The following ZNF423 variants were observed in gnomAD, a reference collection of about 807,000 sequenced individuals.
ZNF423 encodes zinc finger protein 423.
In ZNF423, 12 loss-of-function variants were observed where a neutral mutation model predicts 95.8. That is an observed-to-expected ratio of 0.13 (90% CI 0.08 to 0.20). ZNF423 has a LOEUF of 0.20. ZNF423 is among the 10% of genes least tolerant of loss of function. ZNF423 has a pLI of 1.00. For missense variants in ZNF423, 1,316 were observed against 1,737.1 expected (o/e 0.76, Z 4.31); for synonymous variants, 749 against 711.9 (o/e 1.05, Z -0.83).
In ZNF423 at chr16:49,635,792, G is replaced by A; in HGVS notation, c.3384C>T (p.Leu1128=). 1 of 1,612,444 alleles carries A rather than the reference G, an allele frequency of 6.2e-7. No individual in the cohort carries two copies. The highest frequency in any genetic ancestry group is 8.5e-7 in the Non-Finnish European group (1 of 1,179,738). The change falls in exon 4 of 8, where the codon CTC becomes CTT. Residue 1128 remains leucine, a synonymous_variant. Transcript: ENST00000563137. This position sits in a 1 kb window ranked among gnomAD's most constrained non-coding sequence, Gnocchi z 4.8. ...PEPADRPCAG[L]RCPECSVKFE... ...ACTTGACACTGCACTCGGGGCAACGGAGGCCGGCACAGGGCCGGTCGGCGG... is the reference window on the plus strand; with the variant it reads ...ACTTGACACTGCACTCGGGGCAACGAAGGCCGGCACAGGGCCGGTCGGCGG...
In ZNF423 at chr16:49,654,855, A is replaced by G. The variant is rs552581273; in HGVS notation, c.302-15981T>C. Reference sequence around the variant, plus strand: ...GGCAGAGTCCACGCTTAGCATTTCCAGAACACAGCAGCTCATGTCTGGAAT... The same window carrying G: ...GGCAGAGTCCACGCTTAGCATTTCCGGAACACAGCAGCTCATGTCTGGAAT... On this transcript the variant is annotated intron_variant, in intron 3 of 7. Coordinates refer to ENST00000563137, the MANE Select transcript of ZNF423 (RefSeq NM_001379286.1). Among the ~76,000 whole-genome samples, 4 of 152,366 alleles carry G rather than the reference A, an allele frequency of 2.6e-5. No individual in the cohort carries two copies. The East Asian group carries it at 5.8e-4, about 22-fold the overall frequency.
chr16:49,638,554 C>T lies in ZNF423; in HGVS notation c.622G>A (p.Glu208Lys), dbSNP rs780100016. ...TGGTCGCTGCGGGAGAAGGCTGCCTCGCACTCGTGGCAGTGATACTTCTTG... is the reference window on the plus strand; with the variant it reads ...TGGTCGCTGCGGGAGAAGGCTGCCTTGCACTCGTGGCAGTGATACTTCTTG... Reference protein sequence around the residue: ...GDKKYHCHECEAAFSRSDHLK... With the variant: ...GDKKYHCHECKAAFSRSDHLK... Residue 208 changes from glutamate (E) to lysine (K), a missense_variant, in exon 4 of 8, where the codon GAG (glutamate) becomes AAG (lysine). Physicochemically the swap from Glu to Lys is moderately conservative, Grantham distance 56 (BLOSUM62 1). This residue lies in a region of ZNF423 where 58 missense variants were observed against 116.9 expected (regional missense o/e 0.50). Transcript: ENST00000563137. The surrounding 1 kb of genome is among the most constrained non-coding windows in gnomAD (Gnocchi z 5.6). 1 of 1,613,664 alleles carries T rather than the reference C, an allele frequency of 6.2e-7. No individual in the cohort carries two copies. Among genetic ancestry groups the T allele is most frequent in the Non-Finnish European group, 8.5e-7 (1 of 1,180,038 alleles).
At chr16:49,658,838 C>T (rs891169482) in intron 3 of ZNF423, among the ~76,000 whole-genome samples, 1 of 152,342 alleles carries the variant, frequency 6.6e-6, no homozygotes, top group Non-Finnish European at 1.5e-5. Flanking sequence ...GCATCGCTGA[C>T]TCTTTCCTTG....
At chr16:49,575,598 C>A (rs1970472666) in intron 5 of ZNF423, among the ~76,000 whole-genome samples, 1 of 152,186 alleles carries the variant, frequency 6.6e-6, no homozygotes, top group Non-Finnish European at 1.5e-5. Flanking sequence ...GAAACCAGGA[C>A]AGGCCACATC....
At chr16:49,592,978 C>T (rs905716630) in intron 5 of ZNF423, among the ~76,000 whole-genome samples, 2 of 152,192 alleles carry the variant, frequency 1.3e-5, no homozygotes, top group African/African-American at 4.8e-5. Flanking sequence ...AAGGGTCAGT[C>T]ATCCAGGTGC....
In ZNF423 at chr16:49,649,671, GGA is replaced by G. The variant is rs71134598; in HGVS notation, c.302-10799_302-10798del. Reference sequence around the variant, plus strand: ...CACACACACACACACACACACACAGGGAGAGAGAGAGAGAGAGAGAGAATCCC... The same window carrying G: ...CACACACACACACACACACACACAGGGAGAGAGAGAGAGAGAGAGAATCCC... On this transcript the variant is annotated intron_variant, in intron 3 of 7. Transcript: ENST00000563137. 2.2e-3 allele frequency among the ~76,000 whole-genome samples: 325 copies of G among 148,128 alleles called. 9 individuals carry two copies. The highest frequency in any genetic ancestry group is 8.2e-4 in the Non-Finnish European group (55 of 67,286).
At chr16:49,773,458 G>A (rs544527193) in intron 2 of ZNF423, among the ~76,000 whole-genome samples, 111 of 152,302 alleles carry the variant, frequency 7.3e-4, no homozygotes, top group African/African-American at 2.6e-3. Flanking sequence ...TGGGGATTTG[G>A]GGGATTACAA....
intron 1 of ZNF423, among the ~76,000 whole-genome samples, chr16:49,827,921 C>T (rs1204531028): frequency 6.6e-6 from 1 of 152,180 alleles, no homozygotes; most frequent in East Asian, 1.9e-4. Context: ...CTTGAAATCA[C>T]TCTTACACAT....
intron 5 of ZNF423, among the ~76,000 whole-genome samples, chr16:49,589,630 C>A (rs1226764584): frequency 6.6e-6 from 1 of 152,034 alleles, no homozygotes; most frequent in Non-Finnish European, 1.5e-5. Flanking sequence ...TTCACAGGGG[C>A]TCAGCGGTTT....
intron 5 of ZNF423, among the ~76,000 whole-genome samples, chr16:49,542,934 C>G (rs1428905019): frequency 1.3e-5 from 2 of 152,110 alleles, no homozygotes; most frequent in African/African-American, 2.4e-5. Context: ...TGTCTGCAAC[C>G]CCTCAAGTCC....
chr16:49,623,892 G>A (rs1306422906), intron 5 of ZNF423, among the ~76,000 whole-genome samples: 1 of 152,206 alleles, frequency 6.6e-6, no homozygotes, highest in Non-Finnish European at 1.5e-5. Context: ...AGGGACCAGG[G>A]GACCCATACC....
intron 3 of ZNF423, among the ~76,000 whole-genome samples, chr16:49,642,794 C>CTCTTT (rs1296882427): frequency 7.6e-6 from 1 of 131,486 alleles, no homozygotes; most frequent in African/African-American, 3.1e-5. Context: ...GAAAGCGGTT[C>CTCTTT]TCTTTTCTTT....
Position 49,638,779 on chromosome 16 carries a change from G to A in ZNF423, c.397C>T (p.Leu133Phe), listed in dbSNP as rs773948704. 6.2e-7 allele frequency: 1 copy of A among 1,614,146 alleles called. No homozygotes were observed. Among genetic ancestry groups the A allele is most frequent in the South Asian group, 1.1e-5 (1 of 91,078 alleles). The change falls in exon 4 of 8, where the codon CTC (leucine) becomes TTC (phenylalanine). Residue 133 changes from leucine (L) to phenylalanine (F), a missense_variant. Transcript: ENST00000563137. The surrounding 1 kb of genome is among the most constrained non-coding windows in gnomAD (Gnocchi z 5.6). Reference sequence around the variant, plus strand: ...CCCCCTTCCTCCTCGCCGAGGCCGAGGTCACAACCATCTCCGATCATCTGC... The same window carrying A: ...CCCCCTTCCTCCTCGCCGAGGCCGAAGTCACAACCATCTCCGATCATCTGC... The part of the protein sequence containing the change: ...PTQMIGDGCD[L>F]GLGEEEGGTG...
chr16:49,497,848 T>C (rs1967225821), intron 7 of ZNF423, among the ~76,000 whole-genome samples: 1 of 152,186 alleles, frequency 6.6e-6, no homozygotes, highest in Non-Finnish European at 1.5e-5. Context: ...TTGGGTCCCG[T>C]TATTTGTTCA....
chr16:49,581,509 T>G (rs1338578526), intron 5 of ZNF423, among the ~76,000 whole-genome samples: 1 of 152,156 alleles, frequency 6.6e-6, no homozygotes, highest in Non-Finnish European at 1.5e-5. Context: ...GCATTAACAG[T>G]TTTTGCTAGG....
intron 4 of ZNF423, among the ~76,000 whole-genome samples, chr16:49,627,930 GACCCATCCATCCATCCTCCATCT>G (rs1972356621): frequency 1.0e-5 from 1 of 100,286 alleles, no homozygotes; most frequent in Admixed American, 9.9e-5. Flanking sequence ...CCCACCAATA[GACCCATCCATCCATCCTCCATCT>G]ACCCATCCAT....
rs71380366 is a variant in ZNF423, at chr16:49,646,574, C to CTTTTTTTTTTTTTTTTTT, written c.302-7701_302-7700insAAAAAAAAAAAAAAAAAA. Among the ~76,000 whole-genome samples, 144 of 117,948 alleles carry CTTTTTTTTTTTTTTTTTT rather than the reference C, an allele frequency of 1.2e-3. 9 individuals are homozygous for CTTTTTTTTTTTTTTTTTT. Among genetic ancestry groups the CTTTTTTTTTTTTTTTTTT allele is most frequent in the African/African-American group, 3.6e-3 (121 of 33,580 alleles). The allele number at this position is 117,948 out of a possible 152,430, so 77.4% of individuals were successfully genotyped here. ...TTATGGCACATTTTCTTTTCTTTTT[C>CTTTTTTTTTTTTTTTTTT]TTTTTTTTTTTTTTGAGAAGGAGTC... On this transcript the variant is annotated intron_variant, in intron 3 of 7. Transcript: ENST00000563137.
At chr16:49,507,541 C>T (rs1426493261) in intron 7 of ZNF423, among the ~76,000 whole-genome samples, 1 of 152,202 alleles carries the variant, frequency 6.6e-6, no homozygotes, top group East Asian at 1.9e-4. Flanking sequence ...GGTGTGGCCT[C>T]AGCTGGGAAA....
At chr16:49,754,665 G>A (rs2033692104) in intron 2 of ZNF423, among the ~76,000 whole-genome samples, 1 of 152,222 alleles carries the variant, frequency 6.6e-6, no homozygotes, top group Admixed American at 6.5e-5. Flanking sequence ...TAACACATGT[G>A]CACCAAGCCG....
Sources: allele counts gnomAD v4.1 joint callset (sites outside exome capture counted in the v4.1 genomes callset), GRCh38; gene constraint gnomAD v4.1.1; regional missense constraint gnomAD v4.1.1; non-coding constraint Gnocchi (gnomAD v3.1); transcripts MANE v1.5; gene names NCBI Gene and HGNC (gene_info 2026-07-23, HGNC 2026-07-21).